STRBP: variants seen among roughly 807,000 people sequenced by gnomAD.
STRBP encodes spermatid perinuclear RNA-binding protein.
STRBP carries 13 observed loss-of-function variants against 80.1 expected under a neutral mutation model. That is an observed-to-expected ratio of 0.16 (90% CI 0.11 to 0.26). The LOEUF is 0.26. Among genes scored for constraint, STRBP ranks in the 10% least tolerant of loss-of-function variants. The pLI is 1.00. For missense variants in STRBP, 485 were observed against 815.2 expected (o/e 0.59, Z 4.93); for synonymous variants, 284 against 291.2 (o/e 0.98, Z 0.25).
chr9:123,201,702 G>A (rs1452059703), intron 2 of STRBP, among the ~76,000 whole-genome samples: 1 of 152,136 alleles, frequency 6.6e-6, no homozygotes. Context: ...TGTTCCATGT[G>A]CTGATAAAAA....
At chr9:123,210,594 A>C (rs2039673849) in intron 2 of STRBP, among the ~76,000 whole-genome samples, 1 of 152,194 alleles carries the variant, frequency 6.6e-6, no homozygotes, top group African/African-American at 2.4e-5. Context: ...GCACTTTGGG[A>C]GGCTGAGGTG....
At chr9:123,177,489 C>A (rs1286941291) in intron 4 of STRBP, among the ~76,000 whole-genome samples, 1 of 152,132 alleles carries the variant, frequency 6.6e-6, no homozygotes, top group Non-Finnish European at 1.5e-5. Flanking sequence ...AGGAGGATCA[C>A]TTGAGCCCAG....
chr9:123,178,883 G>T (rs1262250254), intron 4 of STRBP, 124 bp downstream of exon 4: 3 of 747,702 alleles, frequency 4.0e-6, no homozygotes, highest in African/African-American at 1.7e-5. Context: ...TACTTCCTTG[G>T]TTATAGTCTC....
Position 123,136,328 on chromosome 9 carries a change from T to G in STRBP, c.1632+53A>C. ...CTAAAACTTTACATTAAGTTCAGGATATCCTATGTCTTTGAGAAGAAAGAT... is the reference window on the plus strand; with the variant it reads ...CTAAAACTTTACATTAAGTTCAGGAGATCCTATGTCTTTGAGAAGAAAGAT... On this transcript the variant is annotated intron_variant, in intron 15 of 18. Transcript: ENST00000348403. The surrounding 1 kb of genome is among the most constrained non-coding windows in gnomAD (Gnocchi z 4.2). 5 of 1,607,126 alleles carry G rather than the reference T, an allele frequency of 3.1e-6. No homozygotes were observed. Among genetic ancestry groups the G allele is most frequent in the Non-Finnish European group, 4.2e-6 (5 of 1,176,796 alleles).
intron 9 of STRBP, among the ~76,000 whole-genome samples, chr9:123,158,632 A>T (rs1483015042): frequency 6.6e-6 from 1 of 152,198 alleles, no homozygotes; most frequent in Non-Finnish European, 1.5e-5. Context: ...TCCTTATTTT[A>T]TACTGGAAGT....
chr9:123,128,173 A>T, intron 18 of STRBP, 41 bp downstream of exon 18: 1 of 1,611,046 alleles, frequency 6.2e-7, no homozygotes, highest in Non-Finnish European at 8.5e-7. Flanking sequence ...GATTGCTGTG[A>T]CAGTCGCTAA....
intron 2 of STRBP, among the ~76,000 whole-genome samples, chr9:123,197,219 G>A (rs180989053): frequency 3.0e-4 from 45 of 152,250 alleles, no homozygotes; most frequent in African/African-American, 1.1e-3. Flanking sequence ...ATAGAGAGCA[G>A]AATGATGGTT....
At chr9:123,258,143 C>T (rs774266018) in intron 1 of STRBP, among the ~76,000 whole-genome samples, 11 of 152,224 alleles carry the variant, frequency 7.2e-5, no homozygotes, top group South Asian at 2.1e-4. Flanking sequence ...TTCAAATACT[C>T]GGGTTCCTAC....
chr9:123,122,129 G>A lies in STRBP; in HGVS notation c.*3468C>T. On this transcript the variant is annotated 3_prime_UTR_variant, in exon 19 of 19. Coordinates refer to ENST00000348403, the MANE Select transcript of STRBP (RefSeq NM_018387.5). The stretch of plus-strand genomic sequence containing the variant: ...GAGATCAAATACATCATATATGATT[G>A]TCATATATGCATGTTGTCTTAATTG... 3.7e-6 allele frequency: 1 copy of A among 270,144 alleles called. No homozygotes were observed. The highest frequency in any genetic ancestry group is 7.1e-6 in the Non-Finnish European group (1 of 140,178). The allele number at this position is 270,144 out of a possible 1,614,324, so 16.7% of individuals were successfully genotyped here. A position where few individuals can be genotyped will look rare whatever the true frequency, so the allele number is the denominator to read the frequency against.
chr9:123,124,513 C>G lies in STRBP; in HGVS notation c.*1084G>C, dbSNP rs1354836441. 5.1e-6 allele frequency: 5 copies of G among 985,400 alleles called. No individual in the cohort carries two copies. Among genetic ancestry groups the G allele is most frequent in the Non-Finnish European group, 6.0e-6 (5 of 829,936 alleles). The allele number at this position is 985,400 out of a possible 1,614,324, so 61.0% of individuals were successfully genotyped here. A position where few individuals can be genotyped will look rare whatever the true frequency, so the allele number is the denominator to read the frequency against. On this transcript the variant is annotated 3_prime_UTR_variant, in exon 19 of 19. Transcript: ENST00000348403. ...ACCTGTCACTTTTCACAGCAGCACT[C>G]AACAAGAACTGGGACAATCGAAGAG...
chr9:123,167,507 A>T (rs2132418710), intron 6 of STRBP, among the ~76,000 whole-genome samples: 1 of 152,280 alleles, frequency 6.6e-6, no homozygotes, highest in Non-Finnish European at 1.5e-5. Context: ...GTTGCCCAGG[A>T]ATACACAAAC....
Position 123,122,298 on chromosome 9 carries a change from C to T in STRBP, c.*3299G>A, listed in dbSNP as rs751467875. 1.1e-5 allele frequency: 14 copies of T among 1,282,270 alleles called. No individual in the cohort carries two copies. The highest frequency in any genetic ancestry group is 2.3e-5 in the Admixed American group (1 of 43,480). 79.4% of individuals were successfully genotyped at this position (1,282,270 alleles called of 1,614,324 possible). On this transcript the variant is annotated 3_prime_UTR_variant, in exon 19 of 19. Coordinates refer to ENST00000348403, the MANE Select transcript of STRBP (RefSeq NM_018387.5). ...GAGAACGAGAATAAAGTGAGATAAA[C>T]GTGCTGAAAACTGCTTAAAAGTATT... is the stretch of plus-strand genomic sequence containing the variant.
intron 2 of STRBP, among the ~76,000 whole-genome samples, chr9:123,188,909 G>A (rs550551282): frequency 6.6e-6 from 1 of 152,058 alleles, no homozygotes; most frequent in East Asian, 1.9e-4. Context: ...AAAATAAACA[G>A]GCTTTATTTC....
intron 13 of STRBP, among the ~76,000 whole-genome samples, chr9:123,144,026 C>T (rs1349635154): frequency 1.3e-5 from 2 of 151,908 alleles, no homozygotes; most frequent in African/African-American, 4.8e-5. Context: ...GGCGAAACCC[C>T]GTCTCTACTA....
rs2036835736 is a variant in STRBP, at chr9:123,146,882, T to C, written c.1311A>G (p.Lys437=). The change falls in exon 13 of 19, where the codon AAA becomes AAG. Residue 437 remains lysine, a synonymous_variant. Coordinates refer to ENST00000348403, the MANE Select transcript of STRBP (RefSeq NM_018387.5). ...TTYEASGPSK[K]TAKLHVAVKV... is the part of the protein sequence containing the mutation. ...TCACCGCTACGTGAAGTTTTGCTGT[T>C]TTCTTGGATGGTCCTGAGGCTTCAT... is the stretch of plus-strand genomic sequence containing the variant. 1 of 1,612,840 alleles carries C rather than the reference T, an allele frequency of 6.2e-7. No individual in the cohort carries two copies. Among genetic ancestry groups the C allele is most frequent in the African/African-American group, 1.3e-5 (1 of 74,912 alleles).
chr9:123,162,383 C>T (rs140411280), intron 6 of STRBP, among the ~76,000 whole-genome samples: 98 of 152,174 alleles, frequency 6.4e-4, no homozygotes, highest in African/African-American at 2.3e-3. Context: ...TGCCACCATA[C>T]CCAGCTAATT....
chr9:123,247,439 T>C (rs1473059690), intron 1 of STRBP, among the ~76,000 whole-genome samples: 1 of 152,110 alleles, frequency 6.6e-6, no homozygotes, highest in Non-Finnish European at 1.5e-5. Context: ...GGCTAATTTG[T>C]TGCATTTTTA....
chr9:123,201,579 T>G (rs868485512), intron 2 of STRBP, among the ~76,000 whole-genome samples: 1 of 152,156 alleles, frequency 6.6e-6, no homozygotes, highest in African/African-American at 2.4e-5. Context: ...CAAACTAGAG[T>G]TGATTTCTAG....
rs555549913 is a variant in STRBP, at chr9:123,247,103, AATTT to A, written c.-301-10141_-301-10138del. The stretch of plus-strand genomic sequence containing the variant: ...CAGATTGAAAAAATACCAATCAATG[AATTT>A]ATTATAAAAGGGGAGAACAGCCACT... On this transcript the variant is annotated intron_variant, in intron 1 of 18. Transcript: ENST00000348403. Among the ~76,000 whole-genome samples the A allele has an allele frequency of 1.1e-3, 160 of 152,302 alleles. 7 individuals are homozygous for A. In the South Asian group the frequency reaches 0.032, roughly 31 times the overall value.
Sources: gnomAD v4.1 joint callset for allele counts (sites outside exome capture counted in the v4.1 genomes callset) on GRCh38, gnomAD v4.1.1 for gene constraint, Gnocchi (gnomAD v3.1) non-coding constraint, MANE v1.5 for transcripts, NCBI Gene and HGNC (gene_info 2026-07-23, HGNC 2026-07-21) for gene names.